Variants in MOCOS observed in about 807,000 individuals in gnomAD.
The protein encoded by MOCOS is molybdenum cofactor sulfurase, also known as human molybdenum cofactor sulfurase.
In MOCOS, 86 loss-of-function variants were observed where a neutral mutation model predicts 83.6. The ratio of observed to expected loss-of-function variants is 1.03; its 90% CI spans 0.86 to 1.23. The LOEUF (loss-of-function observed/expected upper bound fraction) is 1.23, where lower values mean the gene tolerates loss of function less well. MOCOS is among the 50% of genes most tolerant of loss of function. The probability of loss-of-function intolerance (pLI) is 0.00; values close to 1 mark genes in which losing one functional copy is unlikely to be tolerated. For missense variants in MOCOS, 1,120 were observed against 1,126.9 expected (o/e 0.99, Z 0.09); for synonymous variants, 445 against 434.7 (o/e 1.02, Z -0.29).
intron 11 of MOCOS, among the ~76,000 whole-genome samples, chr18:36,256,568 G>C (rs373364188): frequency 6.6e-6 from 1 of 152,030 alleles, no homozygotes; most frequent in Non-Finnish European, 1.5e-5. Flanking sequence ...TCCTGCCTCA[G>C]CCTCCTGGGT....
chr18:36,188,190 G>C (rs1003544544), intron 1 of MOCOS, among the ~76,000 whole-genome samples: 3 of 152,246 alleles, frequency 2.0e-5, no homozygotes, highest in African/African-American at 7.2e-5. Flanking sequence ...GCGCTCTGCA[G>C]ACTCCTCTGG....
intron 6 of MOCOS, among the ~76,000 whole-genome samples, chr18:36,205,488 G>T (rs1262274801): frequency 2.0e-5 from 3 of 152,218 alleles, no homozygotes; most frequent in Non-Finnish European, 4.4e-5. Flanking sequence ...CAGTTCTTCT[G>T]ATGGCAGGTG....
At position 36,272,142 on chromosome 18, in the gene MOCOS, G is replaced by T. The variant is rs80317975; in HGVS notation, c.*3457G>T. Reference sequence around the variant, plus strand: ...TTATGATATTCATGATAATTAAAACGTTTTGGAACAATTCATCTCAATTTT... The same window carrying T: ...TTATGATATTCATGATAATTAAAACTTTTTGGAACAATTCATCTCAATTTT... On this transcript the variant is annotated 3_prime_UTR_variant, in exon 15 of 15. Coordinates refer to ENST00000261326, the MANE Select transcript of MOCOS (RefSeq NM_017947.4). 7 of 152,072 alleles carry T rather than the reference G, an allele frequency of 4.6e-5. No homozygotes were observed. The highest frequency in any genetic ancestry group is 1.7e-4 in the African/African-American group (7 of 41,408). The allele number at this position is 152,072 out of a possible 1,614,324, so 9.4% of individuals were successfully genotyped here. A position where few individuals can be genotyped will look rare whatever the true frequency, so the allele number is the denominator to read the frequency against.
intron 12 of MOCOS, among the ~76,000 whole-genome samples, chr18:36,259,183 C>T (rs2091653213): frequency 6.6e-6 from 1 of 152,012 alleles, no homozygotes; most frequent in Non-Finnish European, 1.5e-5. Flanking sequence ...TGGCTCACAC[C>T]TGTAATCCCA....
At chr18:36,232,930 T>C (rs1467376829) in intron 9 of MOCOS, among the ~76,000 whole-genome samples, 1 of 151,786 alleles carries the variant, frequency 6.6e-6, no homozygotes, top group Non-Finnish European at 1.5e-5. Context: ...ACACTTAAGT[T>C]GATTCCATAA....
intron 12 of MOCOS, among the ~76,000 whole-genome samples, chr18:36,258,170 G>T (rs1598594727): frequency 6.6e-6 from 1 of 152,090 alleles, no homozygotes; most frequent in Non-Finnish European, 1.5e-5. Flanking sequence ...GTGGGGAGAG[G>T]CTTGCTGTCA....
chr18:36,218,600 G>A (rs913192334), intron 8 of MOCOS, among the ~76,000 whole-genome samples: 5 of 152,002 alleles, frequency 3.3e-5, no homozygotes, highest in South Asian at 2.1e-4. Context: ...CTGCAGTTTT[G>A]AACTCCTGGT....
chr18:36,233,389 T>G (rs2091546050), intron 9 of MOCOS, among the ~76,000 whole-genome samples: 1 of 152,230 alleles, frequency 6.6e-6, no homozygotes, highest in African/African-American at 2.4e-5. Flanking sequence ...TTCCATGGTG[T>G]TTGTGTGTTT....
intron 9 of MOCOS, among the ~76,000 whole-genome samples, chr18:36,236,612 C>A (rs1440880794): frequency 7.9e-6 from 1 of 126,872 alleles, no homozygotes; most frequent in African/African-American, 2.9e-5. Context: ...CTTGGCAATG[C>A]GGGCTCTTTT....
intron 6 of MOCOS, among the ~76,000 whole-genome samples, chr18:36,206,638 C>G (rs146643915): frequency 1.3e-5 from 2 of 152,192 alleles, no homozygotes; most frequent in Non-Finnish European, 2.9e-5. Context: ...CCCCTCCCCC[C>G]ACCTTCTACC....
intron 8 of MOCOS, among the ~76,000 whole-genome samples, chr18:36,217,736 A>C (rs2091480571): frequency 1.3e-5 from 2 of 152,232 alleles, no homozygotes; most frequent in Non-Finnish European, 2.9e-5. Context: ...GGTTCAAAGA[A>C]GAAACGAGAT....
Position 36,234,584 on chromosome 18 carries a change from T to C in MOCOS, c.1961-14338T>C, listed in dbSNP as rs147118743. The stretch of plus-strand genomic sequence containing the variant: ...TCTGTGAATAATGATGACGGCATTT[T>C]GATGGGAATTGCACTGAATTTGTAT... On this transcript the variant is annotated intron_variant, in intron 9 of 14. Coordinates refer to ENST00000261326, the MANE Select transcript of MOCOS (RefSeq NM_017947.4). Among the ~76,000 whole-genome samples the C allele has an allele frequency of 2.3e-3, 357 of 152,340 alleles. 2 individuals are homozygous for C. The highest frequency in any genetic ancestry group is 8.2e-3 in the African/African-American group (340 of 41,568).
At chr18:36,187,975 C>T (rs2091348485) in intron 1 of MOCOS, among the ~76,000 whole-genome samples, 1 of 152,260 alleles carries the variant, frequency 6.6e-6, no homozygotes, top group Admixed American at 6.5e-5. Flanking sequence ...CTTGCCCTCT[C>T]TTGCGGGAGA....
intron 9 of MOCOS, among the ~76,000 whole-genome samples, chr18:36,231,992 G>T (rs1329702938): frequency 6.6e-6 from 1 of 151,934 alleles, no homozygotes; most frequent in Non-Finnish European, 1.5e-5. Context: ...TTTGAGACAC[G>T]TTCTCACTGT....
chr18:36,217,271 A>G (rs899253970), intron 8 of MOCOS, among the ~76,000 whole-genome samples: 17 of 152,190 alleles, frequency 1.1e-4, no homozygotes, highest in Non-Finnish European at 1.5e-4. Context: ...TTATTCTCAA[A>G]TGATTTAGAA....
At position 36,199,820 on chromosome 18, in the gene MOCOS, G is replaced by A. The variant is rs1375709306; in HGVS notation, c.437G>A (p.Cys146Tyr). ...CCAGAGAGCAGTGGGAGTCGCTTCT[G>A]TTACCTCACCGACAGCCACACCTCC... is the stretch of plus-strand genomic sequence containing the variant. ...QGPESSGSRFCYLTDSHTSVV... is the reference protein window; with the variant it reads ...QGPESSGSRFYYLTDSHTSVV... The change falls in exon 4 of 15, where the codon TGT (cysteine) becomes TAT (tyrosine). Residue 146 changes from cysteine to tyrosine, a missense_variant. Physicochemically the swap from Cys to Tyr is radical, Grantham distance 194 (BLOSUM62 -2). Transcript: ENST00000261326. 6.2e-6 allele frequency: 10 copies of A among 1,613,422 alleles called. No homozygotes were observed. Among genetic ancestry groups the A allele is most frequent in the Admixed American group, 3.3e-5 (2 of 59,988 alleles).
At chr18:36,215,406 T>A (rs1206717718) in intron 7 of MOCOS, 110 bp from the exon 8 acceptor site, 1 of 1,039,058 alleles carries the variant, frequency 9.6e-7, no homozygotes, top group Non-Finnish European at 1.4e-6. Flanking sequence ...GTTGCAGTTC[T>A]GTTTTCCTGG....
chr18:36,251,216 C>A lies in MOCOS; in HGVS notation c.2097C>A (p.Gly699=). The A allele has an allele frequency of 1.9e-6, 3 of 1,613,638 alleles. No individual in the cohort carries two copies. The highest frequency in any genetic ancestry group is 2.5e-6 in the Non-Finnish European group (3 of 1,179,670). Residue 699 remains glycine (G), a synonymous_variant, in exon 11 of 15, where the codon GGC becomes GGA. Transcript: ENST00000261326. ...KISSWLSTFF[G]RPCHLIKQSS... Reference sequence around the variant, plus strand: ...CAAGCTGGTTGTCAACATTTTTTGGCCGTCCTTGTCATTTGATCAAACAAA... The same window carrying A: ...CAAGCTGGTTGTCAACATTTTTTGGACGTCCTTGTCATTTGATCAAACAAA...
At chr18:36,208,253 G>T (rs1479420931) in intron 6 of MOCOS, among the ~76,000 whole-genome samples, 1 of 152,026 alleles carries the variant, frequency 6.6e-6, no homozygotes, top group Admixed American at 6.6e-5. Flanking sequence ...TATTCTTTTT[G>T]CTTAGGATTG....
Sources: allele counts gnomAD v4.1 joint callset (sites outside exome capture counted in the v4.1 genomes callset), GRCh38; gene constraint gnomAD v4.1.1; transcripts MANE v1.5; gene names NCBI Gene and HGNC (gene_info 2026-07-23, HGNC 2026-07-21).